RHPN2: variants seen among roughly 807,000 people sequenced by gnomAD.
The protein encoded by RHPN2 is rhophilin-2.
Under a neutral mutation model 79.0 loss-of-function variants are expected in RHPN2, and 40 were observed. That is an observed-to-expected ratio of 0.51 (90% CI 0.39 to 0.66). RHPN2 has a LOEUF of 0.66. Ranked by LOEUF, RHPN2 falls within the 30% of genes least tolerant of loss-of-function variation. The pLI, the probability that RHPN2 is intolerant of heterozygous loss-of-function variation, is 0.00. For synonymous variants in RHPN2, 285 were observed against 363.5 expected (o/e 0.78, Z 2.46); for missense variants, 686 against 883.5 (o/e 0.78, Z 2.83).
chr19:32,992,833 G>GA lies in RHPN2; in HGVS notation c.1498-865dup, dbSNP rs781756217. 5.3e-3 allele frequency among the ~76,000 whole-genome samples: 743 copies of GA among 141,388 alleles called. 2 individuals carry two copies. The highest frequency in any genetic ancestry group is 9.5e-3 in the Non-Finnish European group (604 of 63,538). The allele number at this position is 141,388 out of a possible 152,430, so 92.8% of individuals were successfully genotyped here. ...TGTCTTAAAAAAAAAAAAAAAAAAGGAAAAAAATCTCAGGCCAGGCACAGT... is the reference window on the plus strand; with the variant it reads ...TGTCTTAAAAAAAAAAAAAAAAAAGGAAAAAAAATCTCAGGCCAGGCACAGT... On this transcript the variant is annotated intron_variant, in intron 12 of 14. Coordinates refer to ENST00000254260, the MANE Select transcript of RHPN2 (RefSeq NM_033103.5).
At chr19:33,021,457 A>C in intron 4 of RHPN2, 114 bp downstream of exon 4, 1 of 834,130 alleles carries the variant, frequency 1.2e-6, no homozygotes, top group East Asian at 2.6e-5. Context: ...CCTGGGCTCA[A>C]GCGATCCTCT....
In RHPN2 at chr19:32,996,027, A is replaced by T; in HGVS notation, c.1419T>A (p.Val473=). The part of the protein sequence containing the change: ...LLNLIDAPSV[V]AKTEQEVDII... The stretch of plus-strand genomic sequence containing the variant: ...GGGAACACAGTCTAGGCTACTCACC[A>T]ACAACACTGGGGGCGTCGATCAGGT... The change falls in exon 11 of 15, where the codon GTT becomes GTA. Residue 473 remains valine, a splice_region_variant and synonymous_variant. Coordinates refer to ENST00000254260, the MANE Select transcript of RHPN2 (RefSeq NM_033103.5). 6.2e-7 allele frequency: 1 copy of T among 1,613,936 alleles called. No homozygotes were observed.
chr19:32,982,129 C>T (rs62127366), intron 14 of RHPN2, among the ~76,000 whole-genome samples: 16,635 of 152,112 alleles, frequency 0.11, 1,037 homozygotes, highest in South Asian at 0.24. Context: ...TAAGAGGGGC[C>T]GGGCACAGTG....
chr19:33,021,395 T>G (rs1444875737), intron 4 of RHPN2, among the ~76,000 whole-genome samples, 176 bp downstream of exon 4: 3 of 152,176 alleles, frequency 2.0e-5, no homozygotes, highest in Admixed American at 1.3e-4. Flanking sequence ...CTCATTCTGT[T>G]GCCCAGCCTG....
intron 2 of RHPN2, among the ~76,000 whole-genome samples, chr19:33,038,027 A>C (rs749178670): frequency 2.6e-5 from 4 of 151,964 alleles, no homozygotes; most frequent in Admixed American, 1.3e-4. Flanking sequence ...TCATAGGGAG[A>C]CCCAGTCTCT....
At chr19:33,014,683 G>A (rs10416870) in intron 4 of RHPN2, among the ~76,000 whole-genome samples, 10,884 of 152,198 alleles carry the variant, frequency 0.072, 1,334 homozygotes, top group African/African-American at 0.25. Flanking sequence ...GCTTTGGGAG[G>A]CTGAGGTAGG....
intron 7 of RHPN2, among the ~76,000 whole-genome samples, chr19:33,005,133 G>A (rs139791661): frequency 9.9e-5 from 15 of 151,672 alleles, no homozygotes; most frequent in African/African-American, 3.6e-4. Context: ...ATCTATTCTG[G>A]CCAGGCGTGG....
intron 4 of RHPN2, among the ~76,000 whole-genome samples, chr19:33,014,376 G>C (rs1350890762): frequency 6.6e-6 from 1 of 152,046 alleles, no homozygotes; most frequent in East Asian, 1.9e-4. Context: ...TGCAATCATA[G>C]CTCACTGCAG....
chr19:33,032,040 A>C (rs1226215546), intron 2 of RHPN2, among the ~76,000 whole-genome samples: 1 of 42,122 alleles, frequency 2.4e-5, no homozygotes, highest in Non-Finnish European at 3.8e-5. Flanking sequence ...TTTTTTTTTG[A>C]GGCAGAGTCT....
At position 32,979,284 on chromosome 19, in the gene RHPN2, A is replaced by T. The variant is rs1463332157; in HGVS notation, c.*712T>A. On this transcript the variant is annotated 3_prime_UTR_variant, in exon 15 of 15. Transcript: ENST00000254260. ...ACTTCTACTTTAAACAAAATGAAAA[A>T]TGTTTTGAGTATCAAACAGTATATT... is the stretch of plus-strand genomic sequence containing the variant. The T allele has an allele frequency of 1.3e-5, 2 of 152,550 alleles. No homozygotes were observed. The highest frequency in any genetic ancestry group is 2.9e-5 in the Non-Finnish European group (2 of 68,046). The allele number at this position is 152,550 out of a possible 1,614,324, so 9.4% of individuals were successfully genotyped here. A position where few individuals can be genotyped will look rare whatever the true frequency, so the allele number is the denominator to read the frequency against.
chr19:32,986,887 T>C (rs1971616859), intron 14 of RHPN2, among the ~76,000 whole-genome samples: 1 of 151,904 alleles, frequency 6.6e-6, no homozygotes, highest in African/African-American at 2.4e-5. Context: ...TTATTATTTT[T>C]ATTTTTGAGA....
chr19:33,060,594 A>C (rs1972271580), intron 1 of RHPN2, among the ~76,000 whole-genome samples: 1 of 151,434 alleles, frequency 6.6e-6, no homozygotes, highest in Non-Finnish European at 1.5e-5. Flanking sequence ...GTGCAGTGAC[A>C]TGATAACAGC....
At chr19:33,039,619 C>G (rs1455671153) in intron 2 of RHPN2, among the ~76,000 whole-genome samples, 1 of 152,070 alleles carries the variant, frequency 6.6e-6, no homozygotes, top group Non-Finnish European at 1.5e-5. Flanking sequence ...AGACAGATCA[C>G]TTGAGGTCAG....
chr19:33,040,960 A>T (rs1972095903), intron 2 of RHPN2, among the ~76,000 whole-genome samples: 1 of 152,176 alleles, frequency 6.6e-6, no homozygotes, highest in Non-Finnish European at 1.5e-5. Flanking sequence ...CTGTCTCAAA[A>T]AAAACAAACA....
chr19:33,061,220 C>T (rs1972276760), intron 1 of RHPN2, among the ~76,000 whole-genome samples: 1 of 146,288 alleles, frequency 6.8e-6, no homozygotes, highest in South Asian at 2.2e-4. Flanking sequence ...ACAGCACCTG[C>T]CTTTCTTTTT....
intron 11 of RHPN2, among the ~76,000 whole-genome samples, chr19:32,994,365 C>T (rs1971684161): frequency 6.6e-6 from 1 of 150,408 alleles, no homozygotes; most frequent in Admixed American, 6.7e-5. Context: ...CACTGCACTC[C>T]AGCCTGGGTG....
chr19:33,034,255 G>A (rs899259353), intron 2 of RHPN2, among the ~76,000 whole-genome samples: 8 of 151,728 alleles, frequency 5.3e-5, no homozygotes, highest in Non-Finnish European at 1.0e-4. Context: ...GGCGGATCAC[G>A]AGGTCTGGAG....
chr19:32,989,419 A>G (rs904138255), intron 14 of RHPN2, among the ~76,000 whole-genome samples: 4 of 151,918 alleles, frequency 2.6e-5, no homozygotes, highest in African/African-American at 9.7e-5. Context: ...CACGTGGGGA[A>G]AATTAAAGGC....
intron 3 of RHPN2, among the ~76,000 whole-genome samples, chr19:33,026,153 ATTTTTT>A (rs925915097): frequency 6.9e-6 from 1 of 145,906 alleles, no homozygotes; most frequent in Non-Finnish European, 1.5e-5. Context: ...ACGCCTGGCT[ATTTTTT>A]TTTTTATTTT....
Sources: allele counts gnomAD v4.1 joint callset (sites outside exome capture counted in the v4.1 genomes callset), GRCh38; gene constraint gnomAD v4.1.1; transcripts MANE v1.5; gene names NCBI Gene and HGNC (gene_info 2026-07-23, HGNC 2026-07-21).